The following ERCC6L2 variants were observed in gnomAD, a reference collection of about 807,000 sequenced individuals.
The protein encoded by ERCC6L2 is ERCC excision repair 6 like 2.
ERCC6L2 carries 77 observed loss-of-function variants against 132.0 expected under a neutral mutation model. That is an observed-to-expected ratio of 0.58 (90% CI 0.49 to 0.71). The LOEUF is 0.71. Among genes scored for constraint, ERCC6L2 ranks in the 30% least tolerant of loss-of-function variants. ERCC6L2 has a pLI of 0.00. For missense variants in ERCC6L2, 1,542 were observed against 1,837.6 expected (o/e 0.84, Z 2.94); for synonymous variants, 583 against 632.4 (o/e 0.92, Z 1.17).
In ERCC6L2 at chr9:95,923,926, T is replaced by C. The variant is rs534393965; in HGVS notation, c.1533+547T>C. Reference sequence around the variant, plus strand: ...CCTGTAGCTGTGCTGCTCTTGGTAATGTGTTACCGAGGGAAGGGTGGGAAA... The same window carrying C: ...CCTGTAGCTGTGCTGCTCTTGGTAACGTGTTACCGAGGGAAGGGTGGGAAA... On this transcript the variant is annotated intron_variant, in intron 9 of 18. Coordinates refer to ENST00000653738, the MANE Select transcript of ERCC6L2 (RefSeq NM_020207.7). Among the ~76,000 whole-genome samples, 22 of 148,612 alleles carry C rather than the reference T, an allele frequency of 1.5e-4. No homozygotes were observed. The South Asian group carries it at 4.6e-3, about 31-fold the overall frequency.
Position 95,976,155 on chromosome 9 carries a change from A to C in ERCC6L2, c.3338-1906A>C, listed in dbSNP as rs372339318. On this transcript the variant is annotated intron_variant, in intron 16 of 18. Coordinates refer to ENST00000653738, the MANE Select transcript of ERCC6L2 (RefSeq NM_020207.7). ...GGAAATCTTTTCTCACCTCACAGAGATCCGTATGTTATTTCCATGTAGAGT... is the reference window on the plus strand; with the variant it reads ...GGAAATCTTTTCTCACCTCACAGAGCTCCGTATGTTATTTCCATGTAGAGT... Among the ~76,000 whole-genome samples, 40 of 152,242 alleles carry C rather than the reference A, an allele frequency of 2.6e-4. 1 individual carries two copies. In the Middle Eastern group the frequency reaches 0.014, roughly 52 times the overall value.
intron 17 of ERCC6L2, 92 bp from the exon 18 acceptor site, chr9:96,004,428 A>G (rs1398852295): frequency 2.0e-5 from 12 of 613,162 alleles, no homozygotes; most frequent in Non-Finnish European, 3.1e-5. Context: ...CTTCATTATA[A>G]AGAGTATTGA....
At chr9:96,018,587 A>G (rs1834231158), downstream of ERCC6L2, among the ~76,000 whole-genome samples, 1 of 151,280 alleles carries the variant, frequency 6.6e-6, no homozygotes, top group Admixed American at 6.6e-5. Flanking sequence ...CAGCCTCCCA[A>G]GTAGCTGGGA....
At chr9:96,034,879 C>T (rs550517121) in intron 19 of ERCC6L2, among the ~76,000 whole-genome samples, 3 of 151,684 alleles carry the variant, frequency 2.0e-5, no homozygotes, top group Non-Finnish European at 2.9e-5. Flanking sequence ...CTGCAACCAC[C>T]TGACCCATGG....
At chr9:95,904,005 A>G (rs1205607031) in intron 3 of ERCC6L2, among the ~76,000 whole-genome samples, 3 of 152,132 alleles carry the variant, frequency 2.0e-5, no homozygotes, top group Non-Finnish European at 2.9e-5. Context: ...GCCCCTGACT[A>G]CAGTGGATTC....
intron 2 of ERCC6L2, among the ~76,000 whole-genome samples, chr9:95,889,821 A>G (rs1039559944): frequency 1.3e-5 from 2 of 152,228 alleles, no homozygotes; most frequent in African/African-American, 4.8e-5. Context: ...AGAAAACATA[A>G]CTTTAAAAAT....
chr9:95,883,764 A>AG (rs1361841089), intron 2 of ERCC6L2, among the ~76,000 whole-genome samples: 1 of 152,214 alleles, frequency 6.6e-6, no homozygotes, highest in Non-Finnish European at 1.5e-5. Context: ...AAGCCAAGGC[A>AG]GGAGAATCTC....
At chr9:96,033,122 C>G (rs903515624) in intron 19 of ERCC6L2, among the ~76,000 whole-genome samples, 1 of 152,154 alleles carries the variant, frequency 6.6e-6, no homozygotes, top group Non-Finnish European at 1.5e-5. Context: ...GTAAACCTGC[C>G]AGTCACCAGT....
At chr9:95,916,683 C>A (rs1165258334) in intron 6 of ERCC6L2, among the ~76,000 whole-genome samples, 2 of 149,846 alleles carry the variant, frequency 1.3e-5, no homozygotes, top group Non-Finnish European at 3.0e-5. Context: ...CTCATCAAAA[C>A]CTTTTTTTTT....
chr9:96,013,277 A>C lies in ERCC6L2; in HGVS notation c.*74A>C. ...CGGCACTGGATTCCACACTGATTCT[A>C]TTATCTTGAACACAGTTGTTGACAT... On this transcript the variant is annotated 3_prime_UTR_variant, in exon 19 of 19. Coordinates refer to ENST00000653738, the MANE Select transcript of ERCC6L2 (RefSeq NM_020207.7). The C allele has an allele frequency of 2.5e-6, 3 of 1,191,526 alleles. No homozygotes were observed. Among genetic ancestry groups the C allele is most frequent in the Non-Finnish European group, 3.3e-6 (3 of 905,760 alleles). The allele number at this position is 1,191,526 out of a possible 1,614,324, so 73.8% of individuals were successfully genotyped here. A position where few individuals can be genotyped will look rare whatever the true frequency, so the allele number is the denominator to read the frequency against.
At chr9:95,993,909 T>A (rs1833385474) in intron 17 of ERCC6L2, among the ~76,000 whole-genome samples, 1 of 152,224 alleles carries the variant, frequency 6.6e-6, no homozygotes, top group Non-Finnish European at 1.5e-5. Context: ...TTTTTAAACA[T>A]AGGCAGAAAA....
chr9:95,912,528 C>T (rs1361632486), intron 4 of ERCC6L2, among the ~76,000 whole-genome samples: 1 of 152,134 alleles, frequency 6.6e-6, no homozygotes, highest in East Asian at 1.9e-4. Context: ...ACATCCTTAT[C>T]CCTAAGTATT....
chr9:95,908,502 G>A (rs1278339166), intron 4 of ERCC6L2, among the ~76,000 whole-genome samples: 1 of 152,178 alleles, frequency 6.6e-6, no homozygotes, highest in African/African-American at 2.4e-5. Flanking sequence ...AATTTTGGTT[G>A]TTTTAAGCCA....
At chr9:96,005,673 G>A (rs1160643451) in intron 18 of ERCC6L2, among the ~76,000 whole-genome samples, 3 of 151,626 alleles carry the variant, frequency 2.0e-5, no homozygotes, top group African/African-American at 7.3e-5. Flanking sequence ...GGGTAGGGAC[G>A]CAGGTGGGGC....
chr9:95,876,218 C>T (rs1267043022), intron 1 of ERCC6L2, 134 bp downstream of exon 1: 3 of 757,916 alleles, frequency 4.0e-6, no homozygotes, highest in African/African-American at 3.5e-5. Context: ...ATTGTGAACC[C>T]CTCCAGGCCT....
chr9:95,896,754 G>T (rs1348874352), intron 2 of ERCC6L2, among the ~76,000 whole-genome samples: 2 of 152,094 alleles, frequency 1.3e-5, no homozygotes, highest in Non-Finnish European at 2.9e-5. Flanking sequence ...GTGATCTGTT[G>T]TTATTTCTTC....
In ERCC6L2 at chr9:96,013,256, A is replaced by C. The variant is rs1039795353; in HGVS notation, c.*53A>C. ...AACTGCTGCCATCACTGTTTACGGCACTGGATTCCACACTGATTCTATTAT... is the reference window on the plus strand; with the variant it reads ...AACTGCTGCCATCACTGTTTACGGCCCTGGATTCCACACTGATTCTATTAT... On this transcript the variant is annotated 3_prime_UTR_variant, in exon 19 of 19. Coordinates refer to ENST00000653738, the MANE Select transcript of ERCC6L2 (RefSeq NM_020207.7). The C allele has an allele frequency of 2.1e-5, 26 of 1,251,766 alleles. No homozygotes were observed. The African/African-American group carries it at 3.9e-4, about 19-fold the overall frequency. The allele number at this position is 1,251,766 out of a possible 1,614,324, so 77.5% of individuals were successfully genotyped here.
At chr9:96,019,023 A>T (rs1834240032), downstream of ERCC6L2, among the ~76,000 whole-genome samples, 2 of 152,220 alleles carry the variant, frequency 1.3e-5, no homozygotes, top group African/African-American at 4.8e-5. Context: ...GTTTCAGTTT[A>T]TCTGGCAGGG....
intron 16 of ERCC6L2, among the ~76,000 whole-genome samples, chr9:95,975,348 T>A (rs1832620330): frequency 7.8e-6 from 1 of 127,750 alleles, no homozygotes; most frequent in South Asian, 2.7e-4. Flanking sequence ...GCAGTAACAG[T>A]TTTGTGCCCT....
Sources: allele counts gnomAD v4.1 joint callset (sites outside exome capture counted in the v4.1 genomes callset), GRCh38; gene constraint gnomAD v4.1.1; transcripts MANE v1.5; gene names NCBI Gene and HGNC (gene_info 2026-07-23, HGNC 2026-07-21).